The following HYAL1 variants were observed in gnomAD, a reference collection of about 807,000 sequenced individuals.
HYAL1 encodes the protein hyaluronidase 1, also known as hyaluronidase-1.
Under a neutral mutation model 28.8 loss-of-function variants are expected in HYAL1, and 21 were observed. The ratio of observed to expected loss-of-function variants is 0.73; its 90% CI spans 0.52 to 1.05. HYAL1 has a LOEUF of 1.05. HYAL1 is among the 50% of genes least tolerant of loss of function. The pLI is 0.00. For missense variants in HYAL1, 491 were observed against 579.2 expected, an observed-to-expected ratio of 0.85 and a Z score of 1.56; for synonymous variants, 200 against 230.1, an observed-to-expected ratio of 0.87 and a Z score of 1.18.
chr3:50,301,648 G>A (rs1553712925), intron 2 of HYAL1, among the ~76,000 whole-genome samples: 2 of 142,190 alleles, frequency 1.4e-5, no homozygotes, highest in Non-Finnish European at 3.0e-5. Context: ...TGAATGAATG[G>A]ATGAAAATGT....
rs116097974 is a variant in HYAL1 at position 50,302,573 on chromosome 3, G to A, written c.384C>T (p.Ile128=). 1.8e-3 allele frequency: 2,977 copies of A among 1,614,146 alleles called. 41 individuals carry two copies. In the African/African-American group the frequency reaches 0.036, roughly 19 times the overall value. The change falls in exon 2 of 4, where the codon ATC becomes ATT. Residue 128 remains isoleucine, a synonymous_variant. Coordinates refer to ENST00000395144, the MANE Select transcript of HYAL1 (RefSeq NM_033159.4). The surrounding 1 kb of genome is among the most constrained non-coding windows in gnomAD (Gnocchi z 5.0). ...PAPDFSGLAV[I]DWEAWRPRWA... ...AGCGTGGGCGCCATGCCTCCCAGTCGATGACTGCCAGCCCTGAGAAGTCAG... is the reference window on the plus strand; with the variant it reads ...AGCGTGGGCGCCATGCCTCCCAGTCAATGACTGCCAGCCCTGAGAAGTCAG...
upstream of HYAL1, among the ~76,000 whole-genome samples, chr3:50,304,296 A>AAAAAAATATATATATATATAT (rs1553713686): frequency 3.3e-5 from 1 of 30,478 alleles, no homozygotes. Context: ...AAAAAAAAAA[A>AAAAAAATATATATATATATAT]ATATATATAT....
Position 50,302,625 on chromosome 3 carries a change from T to C in HYAL1, c.332A>G (p.Gln111Arg), listed in dbSNP as rs781865734. The change falls in exon 2 of 4, where the codon CAG (glutamine) becomes CGG (arginine). Residue 111 changes from glutamine to arginine, a missense_variant. Coordinates refer to ENST00000395144, the MANE Select transcript of HYAL1 (RefSeq NM_033159.4). The surrounding 1 kb of genome is among the most constrained non-coding windows in gnomAD (Gnocchi z 5.0). Reference sequence around the variant, plus strand: ...AGCAGGTATGGCAGCCAGGATGTCCTGGAATGTGCGGGCCAGGTGGGCAAT... The same window carrying C: ...AGCAGGTATGGCAGCCAGGATGTCCCGGAATGTGCGGGCCAGGTGGGCAAT... ...SLIAHLARTF[Q>R]DILAAIPAPD... 6.2e-7 allele frequency: 1 copy of C among 1,614,168 alleles called. No homozygotes were observed. The highest frequency in any genetic ancestry group is 8.5e-7 in the Non-Finnish European group (1 of 1,180,032).
chr3:50,311,089 A>C (rs1289928729), intron 1 of HYAL1, among the ~76,000 whole-genome samples: 2 of 152,038 alleles, frequency 1.3e-5, no homozygotes, highest in Non-Finnish European at 2.9e-5. Context: ...CATTGTCATC[A>C]TGGCCCGTTC....
chr3:50,308,792 A>G (rs1184269033), intron 2 of HYAL1, among the ~76,000 whole-genome samples: 4 of 136,058 alleles, frequency 2.9e-5, no homozygotes, highest in Admixed American at 8.1e-5. Flanking sequence ...GTGCAATGGC[A>G]GGATCTCGGC....
At chr3:50,311,475 C>T (rs1437286433) in intron 1 of HYAL1, among the ~76,000 whole-genome samples, 1 of 98,582 alleles carries the variant, frequency 1.0e-5, no homozygotes, top group African/African-American at 4.1e-5. Flanking sequence ...CCGGACGGGG[C>T]GGCTGGCCGG....
Position 50,302,453 on chromosome 3 carries a change from C to T in HYAL1, c.504G>A (p.Glu168=), listed in dbSNP as rs1553713217. 8 of 1,614,050 alleles carry T rather than the reference C, an allele frequency of 5.0e-6. No homozygotes were observed. Among genetic ancestry groups the T allele is most frequent in the Non-Finnish European group, 6.8e-6 (8 of 1,179,954 alleles). ...CCTGGAACTGGTCCTGGGCTACTGCCTCCACCTGAGGAGCTGGCCAATCAG... is the reference window on the plus strand; with the variant it reads ...CCTGGAACTGGTCCTGGGCTACTGCTTCCACCTGAGGAGCTGGCCAATCAG... The part of the protein sequence containing the change: ...QHPDWPAPQV[E]AVAQDQFQGA... Residue 168 remains glutamate, a synonymous_variant, in exon 2 of 4, where the codon GAG becomes GAA. Transcript: ENST00000395144. The surrounding 1 kb of genome is among the most constrained non-coding windows in gnomAD (Gnocchi z 5.0).
At chr3:50,305,267 G>A (rs1374393819), upstream of HYAL1, among the ~76,000 whole-genome samples, 8 of 152,010 alleles carry the variant, frequency 5.3e-5, no homozygotes, top group African/African-American at 1.7e-4. Flanking sequence ...TTTTTGAGAC[G>A]GAGTCTCGCT....
At chr3:50,306,816 G>C (rs368723629), upstream of HYAL1, among the ~76,000 whole-genome samples, 12 of 150,468 alleles carry the variant, frequency 8.0e-5, no homozygotes, top group African/African-American at 3.0e-4. Flanking sequence ...AACCTGGGAG[G>C]TGGGGGTTGC....
intron 1 of HYAL1, 71 bp from the exon 2 acceptor site, chr3:50,303,051 G>A (rs1002869600): frequency 8.2e-7 from 1 of 1,215,630 alleles, no homozygotes; most frequent in Non-Finnish European, 1.1e-6. Flanking sequence ...GGGCTGGGGG[G>A]CTGAGCCCTT....
rs1416401475 is a variant in HYAL1 at position 50,311,346 on chromosome 3, C to T, written c.-310+918G>A. On this transcript the variant is annotated intron_variant, in intron 1 of 5. Transcript: ENST00000320295. ...CCCCCCACCTCCCTCCCGGACGGGGCGGCTGGCCGGGCAGAGGGGCTCCTC... is the reference window on the plus strand; with the variant it reads ...CCCCCCACCTCCCTCCCGGACGGGGTGGCTGGCCGGGCAGAGGGGCTCCTC... Among the ~76,000 whole-genome samples, 13 of 101,582 alleles carry T rather than the reference C, an allele frequency of 1.3e-4. No individual in the cohort carries two copies. The South Asian group carries it at 1.6e-3, about 12-fold the overall frequency. The allele number at this position is 101,582 out of a possible 152,430, so 66.6% of individuals were successfully genotyped here.
chr3:50,311,323 C>A (rs1702446747), intron 1 of HYAL1, among the ~76,000 whole-genome samples: 6 of 134,488 alleles, frequency 4.5e-5, no homozygotes, highest in African/African-American at 5.6e-5. Context: ...GGGCTGACCC[C>A]CCCACCTCCC....
intron 2 of HYAL1, among the ~76,000 whole-genome samples, chr3:50,301,576 C>T (rs1174293993): frequency 1.3e-5 from 2 of 150,188 alleles, no homozygotes; most frequent in East Asian, 3.9e-4. Flanking sequence ...AGATCTTGCC[C>T]CTGCACTCCA....
rs1553713146 is a variant in HYAL1 at position 50,302,313 on chromosome 3, G to C, written c.644C>G (p.Pro215Arg). The C allele has an allele frequency of 6.2e-7, 1 of 1,613,568 alleles. No homozygotes were observed. The highest frequency in any genetic ancestry group is 8.5e-7 in the Non-Finnish European group (1 of 1,180,002). The stretch of plus-strand genomic sequence containing the variant: ...TGATGGGCACTGGCCGGTGTAGTTG[G>C]GGCTTAGAAAGTCATAGTTGTAGCA... ...PDCYNYDFLS[P>R]NYTGQCPSGI... Residue 215 changes from proline to arginine, a missense_variant, in exon 2 of 4, where the codon CCC becomes CGC. Pro to Arg is a moderately radical substitution (Grantham distance 103, BLOSUM62 -2). Transcript: ENST00000395144. This position sits in a 1 kb window ranked among gnomAD's most constrained non-coding sequence, Gnocchi z 5.0.
At position 50,302,068 on chromosome 3, in the gene HYAL1, A is replaced by G. The variant is rs1553713026; in HGVS notation, c.889T>C (p.Phe297Leu). ...TACAGAAGACTCACCAGGGGCAGAAAGTGGTTTGTCGTGTCATAGAAGATC... is the reference window on the plus strand; with the variant it reads ...TACAGAAGACTCACCAGGGGCAGAAGGTGGTTTGTCGTGTCATAGAAGATC... ...VQIFYDTTNHFLPLDELEHSL... is the reference protein window; with the variant it reads ...VQIFYDTTNHLLPLDELEHSL... The change falls in exon 2 of 4, where the codon TTT becomes CTT. Residue 297 changes from phenylalanine to leucine, a missense_variant. Physicochemically the swap from Phe to Leu is conservative, Grantham distance 22 (BLOSUM62 0). Coordinates refer to ENST00000395144, the MANE Select transcript of HYAL1 (RefSeq NM_033159.4). The surrounding 1 kb of genome is among the most constrained non-coding windows in gnomAD (Gnocchi z 5.0). 1 of 1,614,086 alleles carries G rather than the reference A, an allele frequency of 6.2e-7. No homozygotes were observed. Among genetic ancestry groups the G allele is most frequent in the East Asian group, 2.2e-5 (1 of 44,900 alleles).
chr3:50,310,753 C>T (rs1459954817), intron 1 of HYAL1, among the ~76,000 whole-genome samples: 2 of 150,550 alleles, frequency 1.3e-5, no homozygotes, highest in South Asian at 2.1e-4. Flanking sequence ...CACGGCCTTC[C>T]GCAGTGTTTG....
Position 50,309,480 on chromosome 3 carries a change from A to G in HYAL1, c.-191+179T>C, listed in dbSNP as rs1296954160. 9.3e-5 allele frequency among the ~76,000 whole-genome samples: 14 copies of G among 150,904 alleles called. 1 individual carries two copies. The highest frequency in any genetic ancestry group is 3.2e-4 in the African/African-American group (13 of 40,394). On this transcript the variant is annotated intron_variant, in intron 2 of 5. Transcript: ENST00000320295. ...CTCCACCAAAAAAAAAAAAAAAAAAAAGAATCTGTTTTCATTTGTAACAGG... is the reference window on the plus strand; with the variant it reads ...CTCCACCAAAAAAAAAAAAAAAAAAGAGAATCTGTTTTCATTTGTAACAGG...
intron 1 of HYAL1, among the ~76,000 whole-genome samples, chr3:50,311,790 T>C (rs369049357): frequency 0.091 from 8,555 of 94,444 alleles, 859 homozygotes; most frequent in East Asian, 0.54. Flanking sequence ...CCAGTAGGGG[T>C]GGCCGGGCAG....
chr3:50,306,918 A>C (rs1316609344), upstream of HYAL1, among the ~76,000 whole-genome samples: 1 of 150,740 alleles, frequency 6.6e-6, no homozygotes, highest in Non-Finnish European at 1.5e-5. Flanking sequence ...AAAAACACAA[A>C]AATTATCCAG....
Sources: allele counts gnomAD v4.1 joint callset (sites outside exome capture counted in the v4.1 genomes callset), GRCh38; gene constraint gnomAD v4.1.1; non-coding constraint Gnocchi (gnomAD v3.1); transcripts MANE v1.5; gene names NCBI Gene and HGNC (gene_info 2026-07-23, HGNC 2026-07-21).